The following PSD3 variants were observed in gnomAD, a reference collection of about 807,000 sequenced individuals.
PSD3 encodes the protein PH and SEC7 domain-containing protein 3.
In PSD3, 49 loss-of-function variants were observed where a neutral mutation model predicts 105.5. The observed-to-expected ratio is 0.46, with a 90% CI of 0.37 to 0.59. The LOEUF (loss-of-function observed/expected upper bound fraction) is 0.59, where lower values mean the gene tolerates loss of function less well. PSD3 is among the 20% of genes least tolerant of loss of function. The pLI is 0.00. For missense variants in PSD3, 1,561 were observed against 1,263.8 expected, an observed-to-expected ratio of 1.24 and a Z score of -3.57; for synonymous variants, 557 against 457.8, an observed-to-expected ratio of 1.22 and a Z score of -2.77.
intron 2 of PSD3, among the ~76,000 whole-genome samples, chr8:18,913,564 G>C (rs1198958611): frequency 2.0e-5 from 3 of 151,518 alleles, no homozygotes; most frequent in East Asian, 3.9e-4. Context: ...ACAGAACCAA[G>C]GATCCAGGCC....
chr8:18,767,616 G>A (rs1477908482), intron 8 of PSD3, among the ~76,000 whole-genome samples: 3 of 151,942 alleles, frequency 2.0e-5, no homozygotes, highest in Non-Finnish European at 4.4e-5. Context: ...GTGCAGTGGC[G>A]GCCGCCTGTA....
At chr8:19,010,007 A>T (rs1330024961) in intron 1 of PSD3, among the ~76,000 whole-genome samples, 2 of 152,216 alleles carry the variant, frequency 1.3e-5, no homozygotes, top group Non-Finnish European at 2.9e-5. Context: ...TCAAAATGTT[A>T]ATTTTCCCAG....
chr8:18,715,752 C>T lies in PSD3; in HGVS notation c.2172+49697G>A, dbSNP rs138277813. Among the ~76,000 whole-genome samples the T allele has an allele frequency of 5.5e-3, 831 of 152,306 alleles. 7 individuals are homozygous for T. The highest frequency in any genetic ancestry group is 0.017 in the Middle Eastern group (5 of 294). On this transcript the variant is annotated intron_variant, in intron 9 of 15. Coordinates refer to ENST00000327040, the MANE Select transcript of PSD3 (RefSeq NM_015310.4). ...CACTTACTAATAATACTGCTCATTT[C>T]TTGAACCCCATTGCAATCTGCAATT...
In PSD3 at chr8:18,580,463, T is replaced by C. The variant is rs146473358; in HGVS notation, c.2482-5178A>G. On this transcript the variant is annotated intron_variant, in intron 12 of 15. Transcript: ENST00000327040. Reference sequence around the variant, plus strand: ...TCCAATTAAACTTTTACAAAACCTATTGGTTGAGCCTAGGAGGTCAAAGCT... The same window carrying C: ...TCCAATTAAACTTTTACAAAACCTACTGGTTGAGCCTAGGAGGTCAAAGCT... Among the ~76,000 whole-genome samples, 126 of 152,076 alleles carry C rather than the reference T, an allele frequency of 8.3e-4. 3 individuals carry two copies. The East Asian group carries it at 0.023, about 27-fold the overall frequency.
intron 1 of PSD3, among the ~76,000 whole-genome samples, chr8:19,027,379 G>T (rs1017551469): frequency 2.0e-5 from 3 of 152,038 alleles, no homozygotes; most frequent in African/African-American, 7.2e-5. Context: ...TTGGTTTTTT[G>T]ATTTGTATTA....
At chr8:18,720,852 A>G (rs928876147) in intron 9 of PSD3, 1 of 152,120 alleles carries the variant, frequency 6.6e-6, no homozygotes, top group Non-Finnish European at 1.5e-5. Context: ...GTGATTTATT[A>G]TTTGTAGTGA....
rs749939657 is a variant in PSD3, at chr8:18,735,629, T to C, written c.2172+29820A>G. 3.0e-4 allele frequency among the ~76,000 whole-genome samples: 45 copies of C among 152,168 alleles called. 1 individual carries two copies. The highest frequency in any genetic ancestry group is 7.4e-5 in the Non-Finnish European group (5 of 68,026). ...GGTAGCATGGTTTTTACTGGCAACC[T>C]CAAGTGGGTAAGCCTTACATAAAAA... On this transcript the variant is annotated intron_variant, in intron 9 of 15. Transcript: ENST00000327040.
chr8:18,953,368 G>A (rs1823365163), intron 1 of PSD3, among the ~76,000 whole-genome samples: 1 of 152,176 alleles, frequency 6.6e-6, no homozygotes. Flanking sequence ...CATTTGAACA[G>A]ATACTCAAGG....
At chr8:18,653,342 T>G (rs1345041586) in intron 10 of PSD3, among the ~76,000 whole-genome samples, 1 of 149,798 alleles carries the variant, frequency 6.7e-6, no homozygotes, top group Non-Finnish European at 1.5e-5. Context: ...TATATGCATA[T>G]GAACAAGAGA....
At chr8:18,969,232 T>C (rs775870957) in intron 1 of PSD3, among the ~76,000 whole-genome samples, 5 of 151,920 alleles carry the variant, frequency 3.3e-5, no homozygotes, top group Non-Finnish European at 7.3e-5. Context: ...AGTCACATCA[T>C]AACCATACAT....
rs574691926 is a variant in PSD3, at chr8:18,882,467, A to T, written c.131-9734T>A. On this transcript the variant is annotated intron_variant, in intron 2 of 15. Coordinates refer to ENST00000327040, the MANE Select transcript of PSD3 (RefSeq NM_015310.4). ...GAGAAAAGGGCAACAAACAAGAGCA[A>T]CTTGGCCTCTGTCATCAAGGAGCTT... Among the ~76,000 whole-genome samples the T allele has an allele frequency of 2.0e-5, 3 of 152,254 alleles. No individual in the cohort carries two copies. In the South Asian group the frequency reaches 6.2e-4, roughly 32 times the overall value.
At chr8:18,759,261 T>C (rs141603182) in intron 9 of PSD3, among the ~76,000 whole-genome samples, 31 of 152,236 alleles carry the variant, frequency 2.0e-4, no homozygotes, top group African/African-American at 7.2e-4. Context: ...TAGCAAGCAA[T>C]AACCTAAAAG....
chr8:18,716,931 C>T (rs1446425697), intron 9 of PSD3, among the ~76,000 whole-genome samples: 1 of 152,160 alleles, frequency 6.6e-6, no homozygotes, highest in African/African-American at 2.4e-5. Flanking sequence ...AGAGGAGTAG[C>T]CAAAGGTAGC....
At chr8:18,758,991 T>G (rs1297748168) in intron 9 of PSD3, among the ~76,000 whole-genome samples, 3 of 152,048 alleles carry the variant, frequency 2.0e-5, no homozygotes, top group African/African-American at 7.2e-5. Context: ...ATTCACTGTT[T>G]TTTTATCACT....
At chr8:18,898,160 T>C (rs1819275121) in intron 2 of PSD3, among the ~76,000 whole-genome samples, 1 of 152,100 alleles carries the variant, frequency 6.6e-6, no homozygotes, top group Admixed American at 6.5e-5. Flanking sequence ...TGTTGCTTTG[T>C]TTGTTTTCTG....
intron 2 of PSD3, among the ~76,000 whole-genome samples, chr8:18,922,457 C>T (rs1388260210): frequency 6.6e-6 from 1 of 152,190 alleles, no homozygotes; most frequent in Non-Finnish European, 1.5e-5. Context: ...ATAAACTAAA[C>T]GGAAGTGCTT....
intron 9 of PSD3, among the ~76,000 whole-genome samples, chr8:18,752,558 A>ATATATATTATATAT (rs1377022365): frequency 3.0e-4 from 11 of 36,284 alleles, no homozygotes; most frequent in South Asian, 1.9e-3. Flanking sequence ...ATATATAATT[A>ATATATATTATATAT]TATATATTAT....
chr8:18,925,950 T>C (rs1821334474), intron 2 of PSD3, among the ~76,000 whole-genome samples: 1 of 152,186 alleles, frequency 6.6e-6, no homozygotes, highest in South Asian at 2.1e-4. Context: ...TTAGAAATGA[T>C]AGAGTTTTTA....
At chr8:18,803,342 G>GCAAATACT (rs1417221892) in intron 6 of PSD3, 1 of 115,758 alleles carries the variant, frequency 8.6e-6, no homozygotes, top group Non-Finnish European at 1.8e-5. Context: ...AATATAATAA[G>GCAAATACT]CAAATACTTA....
Sources: allele counts gnomAD v4.1 joint callset (sites outside exome capture counted in the v4.1 genomes callset), GRCh38; gene constraint gnomAD v4.1.1; transcripts MANE v1.5; gene names NCBI Gene and HGNC (gene_info 2026-07-23, HGNC 2026-07-21).